LMNB1: variants seen among roughly 807,000 people sequenced by gnomAD.
LMNB1 encodes the protein lamin-B1.
A neutral mutation model predicts 67.1 loss-of-function variants in LMNB1; 23 were observed. That is an observed-to-expected ratio of 0.34 (90% CI 0.25 to 0.49). LMNB1 has a LOEUF of 0.49. Among genes scored for constraint, LMNB1 ranks in the 20% least tolerant of loss-of-function variants. The pLI is 0.99. For missense variants in LMNB1, 634 were observed against 746.5 expected, an observed-to-expected ratio of 0.85 and a Z score of 1.76; for synonymous variants, 281 against 282.9, an observed-to-expected ratio of 0.99 and a Z score of 0.07.
At chr5:126,786,112 C>CTTTTTTTTTTTTTTTT (rs70997312) in intron 1 of LMNB1, among the ~76,000 whole-genome samples, 1 of 106,668 alleles carries the variant, frequency 9.4e-6, no homozygotes, top group Non-Finnish European at 1.8e-5. Context: ...CAGACATTAT[C>CTTTTTTTTTTTTTTTT]TTTTTTTTTT....
intron 9 of LMNB1, among the ~76,000 whole-genome samples, chr5:126,830,036 AT>A (rs1178666196): frequency 6.6e-6 from 1 of 152,248 alleles, no homozygotes; most frequent in African/African-American, 2.4e-5. Context: ...TATGCAAATG[AT>A]TACTTATATA....
intron 1 of LMNB1, among the ~76,000 whole-genome samples, chr5:126,796,626 G>C (rs1219715966): frequency 1.3e-5 from 2 of 152,118 alleles, no homozygotes; most frequent in East Asian, 1.9e-4. Context: ...CTCAGGAGAG[G>C]ATAGGCATGT....
intron 1 of LMNB1, among the ~76,000 whole-genome samples, chr5:126,800,644 CTTTTTTTTTTTTTTT>C (rs35363581): frequency 4.6e-4 from 25 of 53,930 alleles, no homozygotes; most frequent in African/African-American, 1.5e-3. Flanking sequence ...ACTGTATCTT[CTTTTTTTTTTTTTTT>C]TTTTTTTTTT....
chr5:126,836,320 A>G lies in LMNB1; in HGVS notation c.*56A>G. ...AGTATGGTAATCTTTACCTGTATAC[A>G]GTGCAGAGCCTTCTCAGAAGCACAG... On this transcript the variant is annotated 3_prime_UTR_variant, in exon 11 of 11. Transcript: ENST00000261366. 1 of 1,113,776 alleles carries G rather than the reference A, an allele frequency of 9.0e-7. No individual in the cohort carries two copies. The highest frequency in any genetic ancestry group is 1.3e-6 in the Non-Finnish European group (1 of 754,920). 69.0% of individuals were successfully genotyped at this position (1,113,776 alleles called of 1,614,324 possible).
At chr5:126,812,272 A>G (rs1751596772) in intron 5 of LMNB1, among the ~76,000 whole-genome samples, 1 of 152,252 alleles carries the variant, frequency 6.6e-6, no homozygotes. Flanking sequence ...AACCAAAATG[A>G]AGAAAAACAT....
chr5:126,833,243 A>C (rs1038537422), intron 10 of LMNB1, among the ~76,000 whole-genome samples: 3 of 152,360 alleles, frequency 2.0e-5, no homozygotes, highest in East Asian at 3.9e-4. Context: ...GTTCCTAATC[A>C]TTATCTAATT....
At chr5:126,809,097 ACTC>A (rs1263270836) in intron 3 of LMNB1, among the ~76,000 whole-genome samples, 1 of 151,046 alleles carries the variant, frequency 6.6e-6, no homozygotes, top group Non-Finnish European at 1.5e-5. Flanking sequence ...CTGGTCTTGA[ACTC>A]CTCACCTCAG....
intron 5 of LMNB1, among the ~76,000 whole-genome samples, chr5:126,815,734 A>C (rs1181874008): frequency 1.3e-5 from 2 of 152,218 alleles, no homozygotes; most frequent in Non-Finnish European, 2.9e-5. Flanking sequence ...CAATGGCAGA[A>C]TTAGAAAGGA....
Position 126,826,015 on chromosome 5 carries a change from G to C in LMNB1, c.1519G>C (p.Ala507Pro). ...TTGGGCTGCAAACGCTGGTGTCACA[G>C]CCAGCCCCCCAACTGACCTCATCTG... ...TIWAANAGVTASPPTDLIWKN... is the reference protein window; with the variant it reads ...TIWAANAGVTPSPPTDLIWKN... Residue 507 changes from alanine (A) to proline (P), a missense_variant, in exon 9 of 11, where the codon GCC becomes CCC. Coordinates refer to ENST00000261366, the MANE Select transcript of LMNB1 (RefSeq NM_005573.4). The C allele has an allele frequency of 1.2e-6, 2 of 1,613,960 alleles. No homozygotes were observed. The highest frequency in any genetic ancestry group is 1.7e-6 in the Non-Finnish European group (2 of 1,179,926).
intron 3 of LMNB1, 73 bp downstream of exon 3, chr5:126,805,769 AATTAT>A (rs1580540089): frequency 9.6e-7 from 1 of 1,043,490 alleles, no homozygotes; most frequent in East Asian, 2.5e-5. Context: ...CTAAACATGT[AATTAT>A]ATTTTATTTA....
At chr5:126,812,290 T>C (rs1449235200) in intron 5 of LMNB1, among the ~76,000 whole-genome samples, 1 of 152,214 alleles carries the variant, frequency 6.6e-6, no homozygotes, top group Non-Finnish European at 1.5e-5. Flanking sequence ...CATGCAAAAA[T>C]TCTTTGTGGG....
chr5:126,794,617 G>C (rs918370766), intron 1 of LMNB1, among the ~76,000 whole-genome samples: 7 of 152,184 alleles, frequency 4.6e-5, no homozygotes, highest in African/African-American at 1.7e-4. Context: ...GTGTTGAGTG[G>C]TGTTCAGGGG....
At chr5:126,790,517 G>GT (rs567264990) in intron 1 of LMNB1, among the ~76,000 whole-genome samples, 5 of 151,812 alleles carry the variant, frequency 3.3e-5, no homozygotes, top group South Asian at 4.1e-4. Flanking sequence ...ACTGTGATTA[G>GT]TTTTTTTTGC....
chr5:126,828,803 C>T (rs1384328377), intron 9 of LMNB1, among the ~76,000 whole-genome samples: 2 of 145,886 alleles, frequency 1.4e-5, no homozygotes, highest in African/African-American at 5.0e-5. Context: ...CCTTGTGATC[C>T]GTCACCTCGG....
At chr5:126,808,873 AATT>A (rs756496205) in intron 3 of LMNB1, among the ~76,000 whole-genome samples, 4 of 151,314 alleles carry the variant, frequency 2.6e-5, no homozygotes, top group African/African-American at 4.8e-5. Flanking sequence ...TTACCATTCT[AATT>A]ATTATTTTTT....
Position 126,777,775 on chromosome 5 carries a change from G to A in LMNB1, c.267G>A (p.Ala89=). 3 of 1,513,560 alleles carry A rather than the reference G, an allele frequency of 2.0e-6. No individual in the cohort carries two copies. Among genetic ancestry groups the A allele is most frequent in the Non-Finnish European group, 2.7e-6 (3 of 1,127,974 alleles). The allele number at this position is 1,513,560 out of a possible 1,614,324, so 93.8% of individuals were successfully genotyped here. A position where few individuals can be genotyped will look rare whatever the true frequency, so the allele number is the denominator to read the frequency against. The stretch of plus-strand genomic sequence containing the variant: ...TCTACGAGACCGAGCTGGCCGACGC[G>A]CGACGCGCGCTCGACGACACGGCCC... The part of the protein sequence containing the change: ...KALYETELAD[A]RRALDDTARE... Residue 89 remains alanine (A), a synonymous_variant, in exon 1 of 11, where the codon GCG becomes GCA. Transcript: ENST00000261366.
At chr5:126,787,278 A>G (rs1695117526) in intron 1 of LMNB1, among the ~76,000 whole-genome samples, 1 of 151,966 alleles carries the variant, frequency 6.6e-6, no homozygotes, top group South Asian at 2.1e-4. Flanking sequence ...GAGCCGTGTG[A>G]AATTTTGAAA....
chr5:126,780,314 A>C (rs986212676), intron 1 of LMNB1, among the ~76,000 whole-genome samples: 1 of 152,108 alleles, frequency 6.6e-6, no homozygotes, highest in African/African-American at 2.4e-5. Context: ...GTAGTGGGGG[A>C]GCTATATCCC....
chr5:126,816,416 C>T (rs1462476165), intron 5 of LMNB1, among the ~76,000 whole-genome samples: 1 of 152,080 alleles, frequency 6.6e-6, no homozygotes, highest in African/African-American at 2.4e-5. Flanking sequence ...TTTTAAATAA[C>T]CTTGTTATTT....
Sources: allele counts gnomAD v4.1 joint callset (sites outside exome capture counted in the v4.1 genomes callset), GRCh38; gene constraint gnomAD v4.1.1; transcripts MANE v1.5; gene names NCBI Gene and HGNC (gene_info 2026-07-23, HGNC 2026-07-21).